COL19A1: variants seen among roughly 807,000 people sequenced by gnomAD.
COL19A1 encodes collagen alpha-1(XIX) chain.
Under a neutral mutation model 190.2 loss-of-function variants are expected in COL19A1, and 159 were observed. The ratio of observed to expected loss-of-function variants is 0.84; its 90% CI spans 0.73 to 0.95. The LOEUF is 0.95. Ranked by LOEUF, COL19A1 falls within the 40% of genes least tolerant of loss-of-function variation. The pLI, the probability that COL19A1 is intolerant of heterozygous loss-of-function variation, is 0.00. For synonymous variants in COL19A1, 509 were observed against 458.9 expected (o/e 1.11, Z -1.39); for missense variants, 1,418 against 1,431.9 (o/e 0.99, Z 0.16).
intron 41 of COL19A1, among the ~76,000 whole-genome samples, chr6:70,174,447 C>A (rs1765680384): frequency 6.6e-6 from 1 of 152,104 alleles, no homozygotes; most frequent in Admixed American, 6.5e-5. Context: ...GTAATCCTAG[C>A]TACTCAGGAG....
chr6:69,960,793 A>AT (rs913266422), intron 10 of COL19A1, among the ~76,000 whole-genome samples: 18 of 150,634 alleles, frequency 1.2e-4, no homozygotes, highest in South Asian at 2.1e-4. Context: ...CAGCCGGCTA[A>AT]TTTTTTTTTG....
intron 11 of COL19A1, among the ~76,000 whole-genome samples, chr6:69,967,934 G>A (rs531915306): frequency 1.3e-4 from 15 of 119,066 alleles, no homozygotes; most frequent in East Asian, 2.2e-4. Context: ...TAAAGTACAC[G>A]TAGCGTAAAG....
At chr6:70,006,182 G>C (rs1777613044) in intron 11 of COL19A1, among the ~76,000 whole-genome samples, 1 of 152,196 alleles carries the variant, frequency 6.6e-6, no homozygotes, top group Admixed American at 6.5e-5. Context: ...TGTGGGGCTG[G>C]TTGCCCCTCA....
chr6:69,932,422 A>G (rs1369837659), intron 6 of COL19A1, among the ~76,000 whole-genome samples: 3 of 141,750 alleles, frequency 2.1e-5, no homozygotes, highest in African/African-American at 8.3e-5. Context: ...CCTTTTCTCC[A>G]ATTTTTTTTT....
chr6:70,105,612 A>G (rs568518421), intron 16 of COL19A1, among the ~76,000 whole-genome samples: 86 of 152,254 alleles, frequency 5.6e-4, no homozygotes, highest in African/African-American at 2.0e-3. Flanking sequence ...TTTTTCATTT[A>G]TATTTCTTTT....
intron 14 of COL19A1, among the ~76,000 whole-genome samples, chr6:70,067,148 G>T (rs1171396951): frequency 9.2e-5 from 14 of 152,244 alleles, no homozygotes; most frequent in African/African-American, 3.4e-4. Flanking sequence ...ACAAGGCATT[G>T]TCTCCAAGTG....
intron 12 of COL19A1, among the ~76,000 whole-genome samples, chr6:70,031,292 T>C (rs576098472): frequency 6.6e-6 from 1 of 152,226 alleles, no homozygotes; most frequent in East Asian, 1.9e-4. Context: ...TTTACACATG[T>C]ATAATACATA....
intron 14 of COL19A1, among the ~76,000 whole-genome samples, chr6:70,039,929 ATTT>A (rs35411164): frequency 0.56 from 83,038 of 148,440 alleles, 24,047 homozygotes; most frequent in African/African-American, 0.74. Flanking sequence ...TGCCCAGCTA[ATTT>A]TTTTTTTTTT....
At chr6:70,093,740 A>C (rs1783073939) in intron 15 of COL19A1, among the ~76,000 whole-genome samples, 1 of 152,192 alleles carries the variant, frequency 6.6e-6, no homozygotes, top group Admixed American at 6.6e-5. Flanking sequence ...ATCCTGTTTT[A>C]ATGTTTTAAT....
rs564449013 is a variant in COL19A1 at position 69,889,063 on chromosome 6, T to C, written c.91+9405T>C. Among the ~76,000 whole-genome samples the C allele has an allele frequency of 6.8e-4, 104 of 152,286 alleles. 1 individual carries two copies. The highest frequency in any genetic ancestry group is 2.4e-3 in the African/African-American group (101 of 41,550). On this transcript the variant is annotated intron_variant, in intron 2 of 50. Transcript: ENST00000620364. ...GCCTAAAGGCTCTTGTTTTGATTCG[T>C]TTATGAAAGGAAAACAAACCAGTTC...
At chr6:69,871,809 ATTTTTTT>A (rs556851857) in intron 1 of COL19A1, among the ~76,000 whole-genome samples, 1 of 110,360 alleles carries the variant, frequency 9.1e-6, no homozygotes, top group Admixed American at 1.0e-4. Flanking sequence ...CAAGTCCACC[ATTTTTTT>A]TTTTTTTTTT....
chr6:69,951,808 G>A (rs1383778388), intron 9 of COL19A1, among the ~76,000 whole-genome samples: 1 of 151,832 alleles, frequency 6.6e-6, no homozygotes. Context: ...GATCTAGAGA[G>A]AGAGAGGGAA....
At chr6:70,145,697 T>C (rs1390536667) in intron 25 of COL19A1, among the ~76,000 whole-genome samples, 1 of 150,036 alleles carries the variant, frequency 6.7e-6, no homozygotes, top group Non-Finnish European at 1.5e-5. Context: ...AAAAAAGAAA[T>C]ATTCATCTAT....
intron 16 of COL19A1, among the ~76,000 whole-genome samples, chr6:70,102,819 C>A (rs1452985863): frequency 6.6e-6 from 1 of 152,170 alleles, no homozygotes; most frequent in Non-Finnish European, 1.5e-5. Flanking sequence ...ACACTGCACT[C>A]TCTGTGGTCA....
At chr6:70,111,174 G>A (rs1157394184) in intron 16 of COL19A1, among the ~76,000 whole-genome samples, 1 of 152,152 alleles carries the variant, frequency 6.6e-6, no homozygotes, top group Non-Finnish European at 1.5e-5. Flanking sequence ...AGGTAGGCAA[G>A]AAAAGATTAT....
chr6:69,976,659 T>C (rs1054622129), intron 11 of COL19A1, among the ~76,000 whole-genome samples: 2 of 152,108 alleles, frequency 1.3e-5, no homozygotes, highest in African/African-American at 4.8e-5. Context: ...AATGAAACAG[T>C]TCATTGTAAG....
intron 11 of COL19A1, among the ~76,000 whole-genome samples, chr6:70,008,107 G>T (rs1777744626): frequency 6.6e-6 from 1 of 151,720 alleles, no homozygotes; most frequent in South Asian, 2.1e-4. Flanking sequence ...AATAATCTAA[G>T]TATCCACCTC....
rs1397566273 is a variant in COL19A1 at position 70,149,867 on chromosome 6, C to T, written c.1946C>T (p.Pro649Leu). 13 of 1,613,576 alleles carry T rather than the reference C, an allele frequency of 8.1e-6. No individual in the cohort carries two copies. The highest frequency in any genetic ancestry group is 1.1e-5 in the Non-Finnish European group (13 of 1,179,792). The change falls in exon 29 of 51, where the codon CCT becomes CTT. Residue 649 changes from proline (P) to leucine (L), a missense_variant. Transcript: ENST00000620364. ...EPGIQGPRGL[P>L]GLPGTPGTPG... ...CTTTTCCAGGGTCCTCGAGGTCTCCCTGGGTTGCCAGGAACTCCAGGGACT... is the reference window on the plus strand; with the variant it reads ...CTTTTCCAGGGTCCTCGAGGTCTCCTTGGGTTGCCAGGAACTCCAGGGACT...
chr6:69,907,107 ATTT>A lies in COL19A1; in HGVS notation c.266+6788_266+6790del, dbSNP rs56927758. ...CTATCTTCAGATTATTATTATTATT[ATTT>A]TTTTTTTTTTTTTTTTTTGAGACGG... is the stretch of plus-strand genomic sequence containing the variant. On this transcript the variant is annotated intron_variant, in intron 4 of 50. Transcript: ENST00000620364. Among the ~76,000 whole-genome samples the A allele has an allele frequency of 2.0e-4, 26 of 129,370 alleles. No homozygotes were observed. In the South Asian group the frequency reaches 5.3e-3, roughly 26 times the overall value. 84.9% of individuals were successfully genotyped at this position (129,370 alleles called of 152,430 possible). A position where few individuals can be genotyped will look rare whatever the true frequency, so the allele number is the denominator to read the frequency against.
Sources: gnomAD v4.1 joint callset for allele counts (sites outside exome capture counted in the v4.1 genomes callset) on GRCh38, gnomAD v4.1.1 for gene constraint, MANE v1.5 for transcripts, NCBI Gene and HGNC (gene_info 2026-07-23, HGNC 2026-07-21) for gene names.